Variants in TRDN observed in about 807,000 individuals in gnomAD.
TRDN encodes the protein triadin in skeletal muscle.
In TRDN, 161 loss-of-function variants were observed where a neutral mutation model predicts 149.7. That is an observed-to-expected ratio of 1.08 (90% CI 0.95 to 1.23). TRDN has a LOEUF of 1.23. Ranked by LOEUF, TRDN falls within the 50% of genes most tolerant of loss-of-function variation. The pLI, the probability that TRDN is intolerant of heterozygous loss-of-function variation, is 0.00. For synonymous variants in TRDN, 294 were observed against 250.5 expected (o/e 1.17, Z -1.64); for missense variants, 896 against 823.5 (o/e 1.09, Z -1.08).
chr6:123,262,594 C>T (rs1439895173), intron 33 of TRDN, among the ~76,000 whole-genome samples: 1 of 151,994 alleles, frequency 6.6e-6, no homozygotes, highest in Non-Finnish European at 1.5e-5. Flanking sequence ...TTGTGCTTCG[C>T]TTAATTGCAA....
intron 35 of TRDN, among the ~76,000 whole-genome samples, chr6:123,256,351 G>T (rs1195890496): frequency 1.3e-5 from 2 of 151,890 alleles, no homozygotes; most frequent in African/African-American, 4.8e-5. Flanking sequence ...ATGGGCATGT[G>T]GGTTGGTTCC....
intron 1 of TRDN, among the ~76,000 whole-genome samples, chr6:123,619,771 T>TA (rs976755081): frequency 6.6e-6 from 1 of 151,922 alleles, no homozygotes; most frequent in Non-Finnish European, 1.5e-5. Flanking sequence ...AGTTCTAATT[T>TA]AAAAAATAAC....
chr6:123,561,645 C>G (rs971296852), intron 2 of TRDN, among the ~76,000 whole-genome samples: 5 of 152,142 alleles, frequency 3.3e-5, no homozygotes, highest in African/African-American at 1.2e-4. Context: ...CTGTTTTTCT[C>G]CTTCTCTTAT....
chr6:123,549,569 C>A (rs143458777), intron 2 of TRDN, among the ~76,000 whole-genome samples: 1 of 151,714 alleles, frequency 6.6e-6, no homozygotes, highest in Non-Finnish European at 1.5e-5. Context: ...TATTATACTA[C>A]CTAAAGGTTA....
At position 123,382,033 on chromosome 6, in the gene TRDN, TTTC is replaced by T. The variant is rs1781743056; in HGVS notation, c.1165+82_1165+84del. On this transcript the variant is annotated intron_variant, in intron 15 of 40. Transcript: ENST00000334268. ...TTCTCCTCTATCCCACACATAATTC[TTTC>T]TTCTACATCAATCCTTTAAGAAGGT... 6.8e-6 allele frequency: 7 copies of T among 1,025,646 alleles called. No homozygotes were observed. The South Asian group carries it at 1.8e-4, about 26-fold the overall frequency. 63.5% of individuals were successfully genotyped at this position (1,025,646 alleles called of 1,614,324 possible).
At chr6:123,289,883 T>C (rs1377327667) in intron 24 of TRDN, among the ~76,000 whole-genome samples, 2 of 152,046 alleles carry the variant, frequency 1.3e-5, no homozygotes, top group African/African-American at 4.8e-5. Flanking sequence ...AAGAGGGCCA[T>C]TGACAATAAG....
chr6:123,564,374 G>A (rs1782169191), intron 2 of TRDN, among the ~76,000 whole-genome samples: 1 of 152,118 alleles, frequency 6.6e-6, no homozygotes, highest in Admixed American at 6.5e-5. Context: ...AGTCTTCCAT[G>A]TTTCCTAAAA....
rs1434593449 is a variant in TRDN, at chr6:123,255,142, T to A, written c.1907-17A>T. ...TTGTTGAGACTGTTAATAAGGAAAA[T>A]GTAAATTAAAATATAAATTTTTAAA... On this transcript the variant is annotated splice_polypyrimidine_tract_variant and intron_variant, in intron 36 of 40. Transcript: ENST00000334268. The A allele has an allele frequency of 8.7e-7, 1 of 1,153,844 alleles. No homozygotes were observed. Among genetic ancestry groups the A allele is most frequent in the Non-Finnish European group, 1.2e-6 (1 of 837,552 alleles). The allele number at this position is 1,153,844 out of a possible 1,614,324, so 71.5% of individuals were successfully genotyped here. A position where few individuals can be genotyped will look rare whatever the true frequency, so the allele number is the denominator to read the frequency against.
At chr6:123,283,383 C>T (rs988764012) in intron 24 of TRDN, among the ~76,000 whole-genome samples, 15 of 151,678 alleles carry the variant, frequency 9.9e-5, no homozygotes, top group Non-Finnish European at 1.5e-5. Flanking sequence ...CACAAATAGA[C>T]AATCTAAGGT....
intron 12 of TRDN, among the ~76,000 whole-genome samples, chr6:123,397,339 G>A (rs576963782): frequency 6.6e-6 from 1 of 152,160 alleles, no homozygotes; most frequent in East Asian, 1.9e-4. Context: ...ACAATACCCA[G>A]CCCACTGACC....
intron 38 of TRDN, among the ~76,000 whole-genome samples, chr6:123,235,011 T>C (rs1484230960): frequency 6.6e-6 from 1 of 152,118 alleles, no homozygotes; most frequent in African/African-American, 2.4e-5. Flanking sequence ...GATCTTAAAT[T>C]TCCTTCATAT....
intron 10 of TRDN, among the ~76,000 whole-genome samples, chr6:123,446,293 A>G (rs1462493222): frequency 6.6e-6 from 1 of 152,034 alleles, no homozygotes; most frequent in African/African-American, 2.4e-5. Context: ...GCTAGATGAC[A>G]AGTTAGTGGG....
At chr6:123,240,027 T>C (rs1352526236) in intron 38 of TRDN, among the ~76,000 whole-genome samples, 1 of 151,952 alleles carries the variant, frequency 6.6e-6, no homozygotes, top group African/African-American at 2.4e-5. Flanking sequence ...TTTCAGAGTA[T>C]GTTCTACAAT....
intron 21 of TRDN, among the ~76,000 whole-genome samples, chr6:123,343,346 T>A (rs891765026): frequency 6.6e-6 from 1 of 151,988 alleles, no homozygotes; most frequent in African/African-American, 2.4e-5. Context: ...TATTCTATAT[T>A]GTCTTTTGAA....
chr6:123,309,260 C>A (rs988851252), intron 24 of TRDN, among the ~76,000 whole-genome samples: 1 of 151,834 alleles, frequency 6.6e-6, no homozygotes, highest in Non-Finnish European at 1.5e-5. Context: ...CCTACTACTG[C>A]AACTTTGCCA....
At chr6:123,443,637 A>G (rs1476237249) in intron 10 of TRDN, among the ~76,000 whole-genome samples, 2 of 152,084 alleles carry the variant, frequency 1.3e-5, no homozygotes, top group African/African-American at 4.8e-5. Flanking sequence ...CTAAAAATAC[A>G]AAAAATTAGC....
chr6:123,447,765 C>T (rs976769545), intron 10 of TRDN, among the ~76,000 whole-genome samples: 3 of 146,756 alleles, frequency 2.0e-5, no homozygotes, highest in African/African-American at 7.5e-5. Flanking sequence ...AGAGTGAGAT[C>T]AGTTTCAAAA....
At chr6:123,422,912 C>G (rs1394129756) in intron 12 of TRDN, among the ~76,000 whole-genome samples, 1 of 152,032 alleles carries the variant, frequency 6.6e-6, no homozygotes, top group African/African-American at 2.4e-5. Flanking sequence ...GTGTTTCCTT[C>G]AAGGGGCTAT....
At chr6:123,349,380 C>A in intron 21 of TRDN, 3 of 290,376 alleles carry the variant, frequency 1.0e-5, no homozygotes, top group Non-Finnish European at 1.5e-5. Context: ...CCCCTCACAC[C>A]CATTCCCCAG....
Sources: allele counts gnomAD v4.1 joint callset (sites outside exome capture counted in the v4.1 genomes callset), GRCh38; gene constraint gnomAD v4.1.1; transcripts MANE v1.5; gene names NCBI Gene and HGNC (gene_info 2026-07-23, HGNC 2026-07-21).